Variants in TFPT observed in about 807,000 individuals in gnomAD.
The protein encoded by TFPT is INO80 complex subunit F.
A neutral mutation model predicts 28.8 loss-of-function variants in TFPT; 27 were observed. The observed-to-expected ratio is 0.94, with a 90% CI of 0.69 to 1.29. The LOEUF (loss-of-function observed/expected upper bound fraction) is 1.29, where lower values mean the gene tolerates loss of function less well. Among genes scored for constraint, TFPT ranks in the 50% most tolerant of loss-of-function variants. The pLI is 0.00. For missense variants in TFPT, 330 were observed against 338.0 expected (o/e 0.98, Z 0.19); for synonymous variants, 152 against 142.8 (o/e 1.06, Z -0.46).
intron 2 of TFPT, 49 bp from the exon 3 acceptor site, chr19:54,110,170 T>C (rs1264675868): frequency 1.9e-6 from 3 of 1,601,454 alleles, no homozygotes; most frequent in South Asian, 1.1e-5. Context: ...CTCCCGTTCA[T>C]TTGTTTAACG....
intron 2 of TFPT, among the ~76,000 whole-genome samples, chr19:54,111,394 T>C (rs745407021): frequency 2.7e-5 from 4 of 150,584 alleles, no homozygotes; most frequent in Non-Finnish European, 5.9e-5. Context: ...GATACAAAAA[T>C]TGGCCGGATG....
At chr19:54,110,601 G>A (rs1421804504) in intron 2 of TFPT, among the ~76,000 whole-genome samples, 1 of 152,052 alleles carries the variant, frequency 6.6e-6, no homozygotes, top group African/African-American at 2.4e-5. Flanking sequence ...GGTGGCAGGT[G>A]CCTGCAGGAT....
At chr19:54,110,849 G>A (rs796855238) in intron 2 of TFPT, among the ~76,000 whole-genome samples, 23 of 152,204 alleles carry the variant, frequency 1.5e-4, no homozygotes, top group African/African-American at 4.1e-4. Flanking sequence ...CTGACTGACC[G>A]CCTCTCCAGC....
chr19:54,110,685 G>C (rs968902241), intron 2 of TFPT, among the ~76,000 whole-genome samples: 9 of 151,920 alleles, frequency 5.9e-5, no homozygotes, highest in Admixed American at 2.6e-4. Flanking sequence ...CTGGGCAACA[G>C]AGCGAGGTTC....
intron 3 of TFPT, 70 bp from the exon 4 acceptor site, chr19:54,108,465 A>G: frequency 6.2e-7 from 1 of 1,613,752 alleles, no homozygotes; most frequent in Non-Finnish European, 8.5e-7. Context: ...GCCACAGGAT[A>G]GAGCTCAGCT....
chr19:54,114,182 C>T (rs1405523968), intron 2 of TFPT, among the ~76,000 whole-genome samples: 6 of 152,190 alleles, frequency 3.9e-5, no homozygotes, highest in African/African-American at 1.4e-4. Flanking sequence ...CACCTGTGAG[C>T]GGTGCCACGC....
At position 54,109,955 on chromosome 19, in the gene TFPT, G is replaced by A. The variant is rs1462588349; in HGVS notation, c.353+96C>T. 13 of 1,100,328 alleles carry A rather than the reference G, an allele frequency of 1.2e-5. No individual in the cohort carries two copies. In the African/African-American group the frequency reaches 2.1e-4, roughly 18 times the overall value. The allele number at this position is 1,100,328 out of a possible 1,614,324, so 68.2% of individuals were successfully genotyped here. A position where few individuals can be genotyped will look rare whatever the true frequency, so the allele number is the denominator to read the frequency against. ...TCTCCGGCTTCTCCTTGTGGCTTGT[G>A]AGGGTTGGGTGGATGTGGAAGTGGG... On this transcript the variant is annotated intron_variant, in intron 3 of 5. Coordinates refer to ENST00000391759, the MANE Select transcript of TFPT (RefSeq NM_013342.4).
At position 54,115,581 on chromosome 19, in the gene TFPT, A is replaced by C; in HGVS notation, c.-312T>G. 1.8e-6 allele frequency: 1 copy of C among 560,328 alleles called. No homozygotes were observed. The highest frequency in any genetic ancestry group is 3.2e-6 in the Non-Finnish European group (1 of 313,172). The allele number at this position is 560,328 out of a possible 1,614,324, so 34.7% of individuals were successfully genotyped here. On this transcript the variant is annotated 5_prime_UTR_variant, in exon 1 of 6. Coordinates refer to ENST00000391759, the MANE Select transcript of TFPT (RefSeq NM_013342.4). ...CCACAGCGATTCTCTGCTTAGCAGGATCGGTCCACAGCGGGACGTGAGTCC... is the reference window on the plus strand; with the variant it reads ...CCACAGCGATTCTCTGCTTAGCAGGCTCGGTCCACAGCGGGACGTGAGTCC...
In TFPT at chr19:54,115,246, C is replaced by T. The variant is rs778853669; in HGVS notation, c.23+1G>A. 8 of 1,614,166 alleles carry T rather than the reference C, an allele frequency of 5.0e-6. No individual in the cohort carries two copies. In the Admixed American group the frequency reaches 1.0e-4, roughly 20 times the overall value. ...TTTTTCACAAGGGCTCAGCCACATACCCTTCTCTCTGCTCCAATTCCATCT... is the reference window on the plus strand; with the variant it reads ...TTTTTCACAAGGGCTCAGCCACATATCCTTCTCTCTGCTCCAATTCCATCT... On this transcript the variant is annotated splice_donor_variant, in intron 1 of 5. Transcript: ENST00000391759. LOFTEE classifies it high-confidence loss of function.
intron 2 of TFPT, 134 bp from the exon 3 acceptor site, chr19:54,110,255 TC>T: frequency 1.2e-6 from 1 of 866,608 alleles, no homozygotes; most frequent in Non-Finnish European, 1.9e-6. Context: ...CCTTCCACCT[TC>T]CCATCCCTCC....
rs2073410600 is a variant in TFPT at position 54,110,112 on chromosome 19, G to A, written c.292C>T (p.Arg98Trp). 2 of 1,614,122 alleles carry A rather than the reference G, an allele frequency of 1.2e-6. No homozygotes were observed. The highest frequency in any genetic ancestry group is 1.7e-6 in the Non-Finnish European group (2 of 1,180,020). The stretch of plus-strand genomic sequence containing the variant: ...ACCTGATGGAGCCTGTTCAGGACCC[G>A]CTCGTTCACCTATGGGGTGGGAAAC... ...RCREIEQVNERVLNRLHQVQR... is the reference protein window; with the variant it reads ...RCREIEQVNEWVLNRLHQVQR... The change falls in exon 3 of 6, where the codon CGG (arginine) becomes TGG (tryptophan). Residue 98 changes from arginine to tryptophan, a missense_variant. Transcript: ENST00000391759.
intron 2 of TFPT, among the ~76,000 whole-genome samples, chr19:54,110,833 A>G (rs1244173481): frequency 6.6e-6 from 1 of 152,202 alleles, no homozygotes; most frequent in East Asian, 1.9e-4. Context: ...CTCTTTGCTT[A>G]TTCTGCTGAC....
At chr19:54,110,588 C>T (rs773836922) in intron 2 of TFPT, among the ~76,000 whole-genome samples, 1 of 151,990 alleles carries the variant, frequency 6.6e-6, no homozygotes, top group South Asian at 2.1e-4. Context: ...ATTAGCTGGG[C>T]GTGGTGGCAG....
At chr19:54,113,660 A>T (rs2073520018) in intron 2 of TFPT, among the ~76,000 whole-genome samples, 1 of 152,124 alleles carries the variant, frequency 6.6e-6, no homozygotes, top group Non-Finnish European at 1.5e-5. Flanking sequence ...GCCTGCCAAG[A>T]TCTGAGCCCT....
At chr19:54,114,750 C>T (rs1345593782) in intron 1 of TFPT, 50 bp from the exon 2 acceptor site, 3 of 1,564,200 alleles carry the variant, frequency 1.9e-6, no homozygotes, top group Non-Finnish European at 2.6e-6. Flanking sequence ...ACCCCCAGCC[C>T]CTTCTCCCAC....
intron 1 of TFPT, 151 bp downstream of exon 1, chr19:54,115,096 G>A: frequency 2.5e-6 from 3 of 1,197,764 alleles, no homozygotes; most frequent in Non-Finnish European, 1.2e-6. Context: ...CCCTCAGGAT[G>A]ACCCCAGTCC....
intron 2 of TFPT, 70 bp downstream of exon 2, chr19:54,114,372 A>T: frequency 6.5e-7 from 1 of 1,548,912 alleles, no homozygotes; most frequent in African/African-American, 1.4e-5. Flanking sequence ...GCATGTGGAA[A>T]GGCAGAGATT....
intron 1 of TFPT, 142 bp from the exon 2 acceptor site, chr19:54,114,842 GAATCCAGC>G: frequency 1.6e-6 from 2 of 1,236,668 alleles, no homozygotes; most frequent in Non-Finnish European, 2.2e-6. Context: ...TCAGACCGTA[GAATCCAGC>G]TCCCAGCCCT....
Position 54,110,120 on chromosome 19 carries a change from A to G in TFPT, c.284T>C (p.Val95Ala). 9.3e-6 allele frequency: 15 copies of G among 1,614,024 alleles called. No homozygotes were observed. The highest frequency in any genetic ancestry group is 1.3e-5 in the Non-Finnish European group (15 of 1,179,994). Residue 95 changes from valine (V) to alanine (A), a missense_variant and splice_region_variant, in exon 3 of 6, where the codon GTG becomes GCG. Transcript: ENST00000391759. Reference protein sequence around the residue: ...LGRRCREIEQVNERVLNRLHQ... With the variant: ...LGRRCREIEQANERVLNRLHQ... ...GAGCCTGTTCAGGACCCGCTCGTTC[A>G]CCTATGGGGTGGGAAACGCCCATCA...
Sources: allele counts gnomAD v4.1 joint callset (sites outside exome capture counted in the v4.1 genomes callset), GRCh38; gene constraint gnomAD v4.1.1; transcripts MANE v1.5; gene names NCBI Gene and HGNC (gene_info 2026-07-23, HGNC 2026-07-21).